The following RHOBTB1 variants were observed in gnomAD, a reference collection of about 807,000 sequenced individuals.
The protein encoded by RHOBTB1 is rho-related BTB domain-containing protein 1.
In RHOBTB1, 40 loss-of-function variants were observed where a neutral mutation model predicts 71.6. The observed-to-expected ratio is 0.56, with a 90% CI of 0.43 to 0.73. The LOEUF (loss-of-function observed/expected upper bound fraction) is 0.73, where lower values mean the gene tolerates loss of function less well. RHOBTB1 is among the 30% of genes least tolerant of loss of function. The pLI, the probability that RHOBTB1 is intolerant of heterozygous loss-of-function variation, is 0.00. For missense variants in RHOBTB1, 797 were observed against 894.0 expected, an observed-to-expected ratio of 0.89 and a Z score of 1.38; for synonymous variants, 319 against 334.9, an observed-to-expected ratio of 0.95 and a Z score of 0.52.
intron 2 of RHOBTB1, among the ~76,000 whole-genome samples, chr10:60,974,374 A>T (rs1015534514): frequency 2.0e-5 from 3 of 152,110 alleles, no homozygotes; most frequent in Non-Finnish European, 4.4e-5. Flanking sequence ...GCTTGATAAA[A>T]TAACTATAGT....
chr10:60,963,501 C>T (rs750759973), intron 2 of RHOBTB1, among the ~76,000 whole-genome samples: 1 of 152,098 alleles, frequency 6.6e-6, no homozygotes, highest in Non-Finnish European at 1.5e-5. Flanking sequence ...TAGACAGCAA[C>T]ATTACAACAG....
intron 2 of RHOBTB1, among the ~76,000 whole-genome samples, chr10:60,956,150 G>A (rs2085584959): frequency 6.6e-6 from 1 of 152,148 alleles, no homozygotes; most frequent in Admixed American, 6.5e-5. Flanking sequence ...GTTGTTTCTA[G>A]GCTGCAAACC....
At chr10:60,890,605 T>C (rs1170140901) in intron 5 of RHOBTB1, among the ~76,000 whole-genome samples, 1 of 152,172 alleles carries the variant, frequency 6.6e-6, no homozygotes, top group East Asian at 1.9e-4. Context: ...CACAAAGTAT[T>C]GATTCTAACA....
At chr10:60,974,542 G>A (rs977205047) in intron 2 of RHOBTB1, among the ~76,000 whole-genome samples, 3 of 151,984 alleles carry the variant, frequency 2.0e-5, no homozygotes, top group African/African-American at 7.2e-5. Context: ...CACATCCATC[G>A]AGATTGGGGG....
intron 2 of RHOBTB1, among the ~76,000 whole-genome samples, chr10:60,931,896 A>G (rs577258615): frequency 1.3e-5 from 2 of 152,290 alleles, no homozygotes; most frequent in East Asian, 1.9e-4. Context: ...CAGAAGATGA[A>G]AAATTCTTGG....
At chr10:60,872,781 G>A (rs1478488434) in intron 9 of RHOBTB1, among the ~76,000 whole-genome samples, 1 of 152,190 alleles carries the variant, frequency 6.6e-6, no homozygotes, top group Non-Finnish European at 1.5e-5. Context: ...TACATAAGAA[G>A]AGCAGGCGGT....
intron 8 of RHOBTB1, 126 bp from the exon 9 acceptor site, chr10:60,875,168 T>C (rs1374113644): frequency 1.2e-5 from 8 of 682,486 alleles, no homozygotes; most frequent in Non-Finnish European, 1.8e-5. Flanking sequence ...TGGGCAGGCA[T>C]CTGAATTAAA....
intron 5 of RHOBTB1, among the ~76,000 whole-genome samples, chr10:60,892,352 T>C (rs1564833249): frequency 6.6e-6 from 1 of 152,198 alleles, no homozygotes; most frequent in Non-Finnish European, 1.5e-5. Context: ...TGAAATACTG[T>C]AACAGGTTGG....
chr10:60,933,960 T>A (rs573423040), intron 2 of RHOBTB1, among the ~76,000 whole-genome samples: 1 of 152,324 alleles, frequency 6.6e-6, no homozygotes, highest in Admixed American at 6.5e-5. Context: ...GATATAGATA[T>A]ACTAAAATAT....
At chr10:60,914,858 T>G (rs1410419745) in intron 2 of RHOBTB1, among the ~76,000 whole-genome samples, 2 of 152,212 alleles carry the variant, frequency 1.3e-5, no homozygotes, top group African/African-American at 4.8e-5. Context: ...TCCCTAGCAG[T>G]CCGCTCCAGA....
chr10:60,929,881 C>A (rs1239354651), intron 2 of RHOBTB1, among the ~76,000 whole-genome samples: 3 of 152,134 alleles, frequency 2.0e-5, no homozygotes, highest in Non-Finnish European at 4.4e-5. Flanking sequence ...AAATATCCCA[C>A]ATTTTTTAAA....
At chr10:60,918,227 C>T (rs1356896243) in intron 2 of RHOBTB1, among the ~76,000 whole-genome samples, 1 of 152,194 alleles carries the variant, frequency 6.6e-6, no homozygotes, top group Non-Finnish European at 1.5e-5. Flanking sequence ...AATGGTGACT[C>T]TCTCTGAGGG....
At chr10:60,948,561 C>G (rs116042828), upstream of RHOBTB1, among the ~76,000 whole-genome samples, 1 of 152,220 alleles carries the variant, frequency 6.6e-6, no homozygotes, top group Non-Finnish European at 1.5e-5. Flanking sequence ...GTCCATCTCT[C>G]TGCTCTGGAT....
Position 60,888,837 on chromosome 10 carries a change from G to GT in RHOBTB1, c.830dup (p.His277GlnfsTer18). ...CGAGGTAAATTCGATGTGCAAAGATGTGTTCCTGGTCCTGAAGGATGAACA... is the reference window on the plus strand; with the variant it reads ...CGAGGTAAATTCGATGTGCAAAGATGTTGTTCCTGGTCCTGAAGGATGAACA... On this transcript the variant is annotated frameshift_variant, in exon 6 of 11. Coordinates refer to ENST00000337910, the MANE Select transcript of RHOBTB1 (RefSeq NM_014836.5). LOFTEE classifies it high-confidence loss of function. 1 of 1,614,224 alleles carries GT rather than the reference G, an allele frequency of 6.2e-7. No individual in the cohort carries two copies. The highest frequency in any genetic ancestry group is 8.5e-7 in the Non-Finnish European group (1 of 1,180,040).
At chr10:60,924,989 C>T (rs1036388469) in intron 2 of RHOBTB1, among the ~76,000 whole-genome samples, 1 of 152,166 alleles carries the variant, frequency 6.6e-6, no homozygotes. Context: ...GGGGATAGAT[C>T]ACTCATGAAT....
intron 2 of RHOBTB1, among the ~76,000 whole-genome samples, chr10:60,918,731 A>ATTTCT (rs1397130874): frequency 2.0e-5 from 3 of 150,286 alleles, no homozygotes; most frequent in South Asian, 2.1e-4. Context: ...TTATATTTGC[A>ATTTCT]TTTCTTTTCT....
the RHOBTB1 span, among the ~76,000 whole-genome samples, chr10:60,862,036 G>A: frequency 6.6e-6 from 1 of 151,892 alleles, no homozygotes; most frequent in African/African-American, 2.4e-5. Flanking sequence ...GGTTCTACAT[G>A]GGCTCTAAGC....
At chr10:60,895,376 CT>C (rs2082111881) in intron 4 of RHOBTB1, among the ~76,000 whole-genome samples, 1 of 151,498 alleles carries the variant, frequency 6.6e-6, no homozygotes, top group African/African-American at 2.4e-5. Context: ...TTATTTTACA[CT>C]GAAAGCAGTT....
intron 4 of RHOBTB1, among the ~76,000 whole-genome samples, chr10:60,906,672 G>A (rs529981626): frequency 3.3e-5 from 5 of 152,176 alleles, no homozygotes; most frequent in African/African-American, 7.2e-5. Context: ...CATGCAGCAC[G>A]TAGCACAGGC....
Sources: gnomAD v4.1 joint callset for allele counts (sites outside exome capture counted in the v4.1 genomes callset) on GRCh38, gnomAD v4.1.1 for gene constraint, MANE v1.5 for transcripts, NCBI Gene and HGNC (gene_info 2026-07-23, HGNC 2026-07-21) for gene names.